FZD8: variants seen among roughly 807,000 people sequenced by gnomAD.
The protein encoded by FZD8 is frizzled class receptor 8, also known as frizzled-8.
Under a neutral mutation model 46.0 loss-of-function variants are expected in FZD8, and 18 were observed. The observed-to-expected ratio is 0.39, with a 90% CI of 0.27 to 0.58. The LOEUF is 0.58. FZD8 is among the 20% of genes least tolerant of loss of function. FZD8 has a pLI of 0.55. For synonymous variants in FZD8, 586 were observed against 467.9 expected (o/e 1.25, Z -3.26); for missense variants, 785 against 983.4 (o/e 0.80, Z 2.70).
At position 35,639,684 on chromosome 10, in the gene FZD8, G is replaced by C. The variant is rs1306843746; in HGVS notation, c.1746C>G (p.Asp582Glu). The C allele has an allele frequency of 6.3e-7, 1 of 1,599,372 alleles. No individual in the cohort carries two copies. Among genetic ancestry groups the C allele is most frequent in the Non-Finnish European group, 8.5e-7 (1 of 1,179,698 alleles). The change falls in exon 1 of 1, where the codon GAC becomes GAG. Residue 582 changes from aspartate (D) to glutamate (E), a missense_variant. Transcript: ENST00000374694. ...DLQPDQARRP[D>E]YAVFMLKYFM... ...AGTACTTGAGCATGAAGACGGCGTA[G>C]TCGGGCCTGCGTGCCTGGTCGGGCT... is the stretch of plus-strand genomic sequence containing the variant.
At position 35,638,557 on chromosome 10, in the gene FZD8, A is replaced by G. The variant is rs1445447018; in HGVS notation, c.*788T>C. On this transcript the variant is annotated 3_prime_UTR_variant, in exon 1 of 1. Transcript: ENST00000374694. ...ATGTCCATTTTCCCCATGCGTCCTT[A>G]GCAAGCACTTTAAAGGTGACAGCTC... 1 of 152,608 alleles carries G rather than the reference A, an allele frequency of 6.6e-6. No homozygotes were observed. The highest frequency in any genetic ancestry group is 1.5e-5 in the Non-Finnish European group (1 of 68,052). The allele number at this position is 152,608 out of a possible 1,614,324, so 9.5% of individuals were successfully genotyped here. A position where few individuals can be genotyped will look rare whatever the true frequency, so the allele number is the denominator to read the frequency against.
At position 35,639,876 on chromosome 10, in the gene FZD8, G is replaced by A. The variant is rs966249469; in HGVS notation, c.1554C>T (p.Asp518=). 1 of 1,611,414 alleles carries A rather than the reference G, an allele frequency of 6.2e-7. No individual in the cohort carries two copies. Among genetic ancestry groups the A allele is most frequent in the Admixed American group, 1.7e-5 (1 of 59,986 alleles). ...CCAGCTTGTGCGTCTTGGTGGGGCC[G>A]TCCTGTTGCTTGATGACCGAGCGGA... The part of the protein sequence containing the change: ...FRIRSVIKQQ[D]GPTKTHKLEK... Residue 518 remains aspartate, a synonymous_variant, in exon 1 of 1, where the codon GAC becomes GAT. Transcript: ENST00000374694.
chr10:35,639,313 C>CCCCCCCCCCCCGGGCG lies in FZD8; in HGVS notation c.*31_*32insCGCCCGGGGGGGGGGG. The CCCCCCCCCCCCGGGCG allele has an allele frequency of 1.1e-6, 1 of 936,818 alleles. No individual in the cohort carries two copies. The highest frequency in any genetic ancestry group is 1.5e-6 in the Non-Finnish European group (1 of 658,994). The allele number at this position is 936,818 out of a possible 1,614,324, so 58.0% of individuals were successfully genotyped here. A position where few individuals can be genotyped will look rare whatever the true frequency, so the allele number is the denominator to read the frequency against. ...GCACTTGGCTCTCCTCGCCCCCCTC[C>CCCCCCCCCCCCGGGCG]CCACCCCTCCTGGGCGCCCCCTCCC... is the stretch of plus-strand genomic sequence containing the variant. On this transcript the variant is annotated 3_prime_UTR_variant, in exon 1 of 1. Transcript: ENST00000374694.
At position 35,641,115 on chromosome 10, in the gene FZD8, C is replaced by T; in HGVS notation, c.315G>A (p.Pro105=). 1 of 1,612,220 alleles carries T rather than the reference C, an allele frequency of 6.2e-7. No individual in the cohort carries two copies. Among genetic ancestry groups the T allele is most frequent in the East Asian group, 2.2e-5 (1 of 44,818 alleles). The change falls in exon 1 of 1, where the codon CCG becomes CCA. Residue 105 remains proline (P), a synonymous_variant. Transcript: ENST00000374694. This position sits in a 1 kb window ranked among gnomAD's most constrained non-coding sequence, Gnocchi z 6.3. The part of the protein sequence containing the change: ...ICLEDYKKPL[P]PCRSVCERAK... ...CGCGCTCGCACACCGAGCGGCAGGG[C>T]GGCAGCGGCTTCTTGTAGTCCTCTA...
In FZD8 at chr10:35,638,318, C is replaced by G. The variant is rs1835794835; in HGVS notation, c.*1027G>C. The G allele has an allele frequency of 6.6e-6, 1 of 152,446 alleles. No homozygotes were observed. Among genetic ancestry groups the G allele is most frequent in the South Asian group, 2.1e-4 (1 of 4,824 alleles). 9.4% of individuals were successfully genotyped at this position (152,446 alleles called of 1,614,324 possible). On this transcript the variant is annotated 3_prime_UTR_variant, in exon 1 of 1. Transcript: ENST00000374694. ...AGGCCTAAGGGGAATTACTGCCTTGCAGAAGTTCCATTTACATCCACTAAA... is the reference window on the plus strand; with the variant it reads ...AGGCCTAAGGGGAATTACTGCCTTGGAGAAGTTCCATTTACATCCACTAAA...
chr10:35,639,369 C>A lies in FZD8; in HGVS notation c.2061G>T (p.Lys687Asn). Residue 687 changes from lysine to asparagine, a missense_variant, in exon 1 of 1, where the codon AAG becomes AAT. Physicochemically the swap from Lys to Asn is moderately conservative, Grantham distance 94 (BLOSUM62 0). Around this residue, in one of 5 missense-constraint regions of FZD8, gnomAD observed 185 missense variants for 180.8 expected, o/e 1.02. Coordinates refer to ENST00000374694, the MANE Select transcript of FZD8 (RefSeq NM_031866.3). ...SGTASSVSYP[K>N]QMPLSQV ...CTCAGACCTGGGACAATGGCATCTG[C>A]TTTGGATAAGACACGGAGCTCGCCG... The A allele has an allele frequency of 6.8e-7, 1 of 1,469,112 alleles. No individual in the cohort carries two copies. The highest frequency in any genetic ancestry group is 9.1e-7 in the Non-Finnish European group (1 of 1,100,266). 91.0% of individuals were successfully genotyped at this position (1,469,112 alleles called of 1,614,324 possible).
rs1835839278 is a variant in FZD8 at position 35,640,518 on chromosome 10, C to G, written c.912G>C (p.Glu304Asp). 6.3e-7 allele frequency: 1 copy of G among 1,585,202 alleles called. No individual in the cohort carries two copies. Among genetic ancestry groups the G allele is most frequent in the Non-Finnish European group, 8.6e-7 (1 of 1,163,636 alleles). Residue 304 changes from glutamate to aspartate, a missense_variant, in exon 1 of 1, where the codon GAG becomes GAC. Glu to Asp is a conservative substitution (Grantham distance 45). This residue lies in a region of FZD8 where 11 missense variants were observed against 43.3 expected (regional missense o/e 0.25). Transcript: ENST00000374694. Reference sequence around the variant, plus strand: ...TGGGCCGCTCCGGGTACTTGAAGCGCTCCATGTCGATAAGGAAGGTGGAGA... The same window carrying G: ...TGGGCCGCTCCGGGTACTTGAAGCGGTCCATGTCGATAAGGAAGGTGGAGA... ...ATVSTFLIDM[E>D]RFKYPERPII...
Position 35,640,391 on chromosome 10 carries a change from C to G in FZD8, c.1039G>C (p.Ala347Pro). 1.7e-6 allele frequency: 2 copies of G among 1,164,202 alleles called. No homozygotes were observed. The highest frequency in any genetic ancestry group is 3.6e-5 in the Admixed American group (1 of 27,790). The allele number at this position is 1,164,202 out of a possible 1,614,324, so 72.1% of individuals were successfully genotyped here. The change falls in exon 1 of 1, where the codon GCG becomes CCG. Residue 347 changes from alanine (A) to proline (P), a missense_variant. By Grantham distance (27) the Ala-to-Pro change is conservative (BLOSUM62 -1). Around this residue, in one of 5 missense-constraint regions of FZD8, gnomAD observed 88 missense variants for 83.6 expected, o/e 1.05. Coordinates refer to ENST00000374694, the MANE Select transcript of FZD8 (RefSeq NM_031866.3). Reference protein sequence around the residue: ...KVACSGGAPGAGGAGGAGGAA... With the variant: ...KVACSGGAPGPGGAGGAGGAA... ...CCGCCCGCGCCCCCAGCGCCCCCCG[C>G]GCCCGGCGCGCCACCGCTGCACGCC...
At position 35,638,284 on chromosome 10, in the gene FZD8, T is replaced by C. The variant is rs1201344077; in HGVS notation, c.*1061A>G. On this transcript the variant is annotated 3_prime_UTR_variant, in exon 1 of 1. Transcript: ENST00000374694. The stretch of plus-strand genomic sequence containing the variant: ...AAACCTTTAGTGATACCATGCAGGA[T>C]AAATAACAAGGCCTAAGGGGAATTA... 6.6e-6 allele frequency: 1 copy of C among 152,326 alleles called. No individual in the cohort carries two copies. 9.4% of individuals were successfully genotyped at this position (152,326 alleles called of 1,614,324 possible).
Position 35,640,959 on chromosome 10 carries a change from G to C in FZD8, c.471C>G (p.Thr157=). Residue 157 remains threonine, a synonymous_variant, in exon 1 of 1, where the codon ACC becomes ACG. Coordinates refer to ENST00000374694, the MANE Select transcript of FZD8 (RefSeq NM_031866.3). ...LCMDYNRTDL[T]TAAPSPPRRL... is the part of the protein sequence containing the mutation. ...GGCGCGGCGGGCTGGGCGCGGCGGTGGTTAGGTCGGTGCGGTTGTAGTCCA... is the reference window on the plus strand; with the variant it reads ...GGCGCGGCGGGCTGGGCGCGGCGGTCGTTAGGTCGGTGCGGTTGTAGTCCA... The C allele has an allele frequency of 6.4e-7, 1 of 1,561,162 alleles. No homozygotes were observed. The highest frequency in any genetic ancestry group is 8.6e-7 in the Non-Finnish European group (1 of 1,156,652).
rs1023391549 is a variant in FZD8 at position 35,638,880 on chromosome 10, C to G, written c.*465G>C. The G allele has an allele frequency of 6.6e-6, 1 of 152,640 alleles. No homozygotes were observed. The highest frequency in any genetic ancestry group is 2.4e-5 in the African/African-American group (1 of 41,412). The allele number at this position is 152,640 out of a possible 1,614,324, so 9.5% of individuals were successfully genotyped here. A position where few individuals can be genotyped will look rare whatever the true frequency, so the allele number is the denominator to read the frequency against. ...GCCTGGTCATTAAGAATACCCAAACCGTGCAATCCCATCAGGTGGCGGTCA... is the reference window on the plus strand; with the variant it reads ...GCCTGGTCATTAAGAATACCCAAACGGTGCAATCCCATCAGGTGGCGGTCA... On this transcript the variant is annotated 3_prime_UTR_variant, in exon 1 of 1. Coordinates refer to ENST00000374694, the MANE Select transcript of FZD8 (RefSeq NM_031866.3).
rs1457404767 is a variant in FZD8 at position 35,641,949 on chromosome 10, A to C, written c.-520T>G. On this transcript the variant is annotated 5_prime_UTR_variant, in exon 1 of 1. Transcript: ENST00000374694. The surrounding 1 kb of genome is among the most constrained non-coding windows in gnomAD (Gnocchi z 6.3). ...CGCCGGGTCAGCCCTGGCGGCCACCACTCGGCCCCCGGGGGCTCATGCCCG... is the reference window on the plus strand; with the variant it reads ...CGCCGGGTCAGCCCTGGCGGCCACCCCTCGGCCCCCGGGGGCTCATGCCCG... 6.5e-6 allele frequency: 1 copy of C among 153,006 alleles called. No homozygotes were observed. Among genetic ancestry groups the C allele is most frequent in the African/African-American group, 2.4e-5 (1 of 41,304 alleles). 9.5% of individuals were successfully genotyped at this position (153,006 alleles called of 1,614,324 possible). A position where few individuals can be genotyped will look rare whatever the true frequency, so the allele number is the denominator to read the frequency against.
Position 35,639,552 on chromosome 10 carries a change from G to C in FZD8, c.1878C>G (p.Gly626=). The stretch of plus-strand genomic sequence containing the variant: ...CGCCCGCGCCCCCGCCCACCGCGGC[G>C]CCCTTGCTGGCCCAGCAGCAGCGGG... ...LCTRCCWASK[G]AAVGGGAGAT... The change falls in exon 1 of 1, where the codon GGC becomes GGG. Residue 626 remains glycine (G), a synonymous_variant. Transcript: ENST00000374694. 2 of 1,451,816 alleles carry C rather than the reference G, an allele frequency of 1.4e-6. No individual in the cohort carries two copies. Among genetic ancestry groups the C allele is most frequent in the East Asian group, 2.8e-5 (1 of 36,274 alleles). The allele number at this position is 1,451,816 out of a possible 1,614,324, so 89.9% of individuals were successfully genotyped here.
Position 35,640,969 on chromosome 10 carries a change from G to C in FZD8, c.461C>G (p.Thr154Ser), listed in dbSNP as rs994571716. The C allele has an allele frequency of 1.3e-6, 2 of 1,587,996 alleles. No individual in the cohort carries two copies. Among genetic ancestry groups the C allele is most frequent in the African/African-American group, 1.4e-5 (1 of 74,064 alleles). Residue 154 changes from threonine to serine, a missense_variant, in exon 1 of 1, where the codon ACC becomes AGC. Physicochemically the swap from Thr to Ser is moderately conservative, Grantham distance 58 (BLOSUM62 1). This residue lies in a region of FZD8 where 354 missense variants were observed against 433.2 expected (regional missense o/e 0.82). Coordinates refer to ENST00000374694, the MANE Select transcript of FZD8 (RefSeq NM_031866.3). ...GCTGGGCGCGGCGGTGGTTAGGTCG[G>C]TGCGGTTGTAGTCCATGCACAGCGT... ...PDTLCMDYNR[T>S]DLTTAAPSPP...
rs1175399865 is a variant in FZD8 at position 35,640,950 on chromosome 10, C to A, written c.480G>T (p.Ala160=). ...GCGGCAGGCGGCGCGGCGGGCTGGG[C>A]GCGGCGGTGGTTAGGTCGGTGCGGT... The part of the protein sequence containing the change: ...DYNRTDLTTA[A]PSPPRRLPPP... The change falls in exon 1 of 1, where the codon GCG becomes GCT. Residue 160 remains alanine (A), a synonymous_variant. Coordinates refer to ENST00000374694, the MANE Select transcript of FZD8 (RefSeq NM_031866.3). 7.1e-7 allele frequency: 1 copy of A among 1,406,440 alleles called. No homozygotes were observed. Among genetic ancestry groups the A allele is most frequent in the Admixed American group, 2.4e-5 (1 of 41,022 alleles). The allele number at this position is 1,406,440 out of a possible 1,614,324, so 87.1% of individuals were successfully genotyped here. A position where few individuals can be genotyped will look rare whatever the true frequency, so the allele number is the denominator to read the frequency against.
chr10:35,639,668 G>C lies in FZD8; in HGVS notation c.1762C>G (p.Leu588Val). Residue 588 changes from leucine (L) to valine (V), a missense_variant, in exon 1 of 1, where the codon CTC becomes GTC. This residue lies in a region of FZD8 where 185 missense variants were observed against 180.8 expected (regional missense o/e 1.02). Transcript: ENST00000374694. Reference protein sequence around the residue: ...ARRPDYAVFMLKYFMCLVVGI... With the variant: ...ARRPDYAVFMVKYFMCLVVGI... ...ACCACTAGGCACATGAAGTACTTGA[G>C]CATGAAGACGGCGTAGTCGGGCCTG... The C allele has an allele frequency of 1.3e-6, 2 of 1,599,128 alleles. No homozygotes were observed. The highest frequency in any genetic ancestry group is 8.5e-7 in the Non-Finnish European group (1 of 1,179,732).
rs1418575299 is a variant in FZD8 at position 35,642,222 on chromosome 10, C to G, written c.-793G>C. 3 of 152,544 alleles carry G rather than the reference C, an allele frequency of 2.0e-5. No homozygotes were observed. Among genetic ancestry groups the G allele is most frequent in the Admixed American group, 1.3e-4 (2 of 15,290 alleles). 9.4% of individuals were successfully genotyped at this position (152,544 alleles called of 1,614,324 possible). A position where few individuals can be genotyped will look rare whatever the true frequency, so the allele number is the denominator to read the frequency against. ...GGAGCGGACACCTGAGTGGCGCGGCCCGCGCCCAGCCGCCGCCTCCTCCTC... is the reference window on the plus strand; with the variant it reads ...GGAGCGGACACCTGAGTGGCGCGGCGCGCGCCCAGCCGCCGCCTCCTCCTC... On this transcript the variant is annotated 5_prime_UTR_variant, in exon 1 of 1. Transcript: ENST00000374694.
chr10:35,639,918 G>C lies in FZD8; in HGVS notation c.1512C>G (p.Phe504Leu). ...FIGTMFLLAG[F>L]VSLFRIRSVI... ...CCGAGCGGATGCGGAAGAGGGACAC[G>C]AAGCCGGCCAGCAGGAACATGGTGC... Residue 504 changes from phenylalanine (F) to leucine (L), a missense_variant, in exon 1 of 1, where the codon TTC (phenylalanine) becomes TTG (leucine). Around this residue, in one of 5 missense-constraint regions of FZD8, gnomAD observed 147 missense variants for 242.5 expected, o/e 0.61. Coordinates refer to ENST00000374694, the MANE Select transcript of FZD8 (RefSeq NM_031866.3). 1 of 1,613,006 alleles carries C rather than the reference G, an allele frequency of 6.2e-7. No homozygotes were observed. Among genetic ancestry groups the C allele is most frequent in the Non-Finnish European group, 8.5e-7 (1 of 1,179,940 alleles).
chr10:35,641,070 C>A lies in FZD8; in HGVS notation c.360G>T (p.Pro120=). The A allele has an allele frequency of 6.2e-7, 1 of 1,609,626 alleles. No individual in the cohort carries two copies. Among genetic ancestry groups the A allele is most frequent in the South Asian group, 1.1e-5 (1 of 90,900 alleles). The part of the protein sequence containing the change: ...VCERAKAGCA[P]LMRQYGFAWP... ...AGGCGAAGCCGTACTGGCGCATGAG[C>A]GGCGCGCAGCCGGCCTTGGCGCGCT... Residue 120 remains proline (P), a synonymous_variant, in exon 1 of 1, where the codon CCG becomes CCT. Coordinates refer to ENST00000374694, the MANE Select transcript of FZD8 (RefSeq NM_031866.3). This position sits in a 1 kb window ranked among gnomAD's most constrained non-coding sequence, Gnocchi z 6.3.
Sources: allele counts gnomAD v4.1 joint callset, GRCh38; gene constraint gnomAD v4.1.1; regional missense constraint gnomAD v4.1.1; non-coding constraint Gnocchi (gnomAD v3.1); transcripts MANE v1.5; gene names NCBI Gene and HGNC (gene_info 2026-07-23, HGNC 2026-07-21).